The following PAIP1 variants were observed in gnomAD, a reference collection of about 807,000 sequenced individuals.
PAIP1 encodes the protein polyadenylate-binding protein-interacting protein 1.
Under a neutral mutation model 61.3 loss-of-function variants are expected in PAIP1, and 16 were observed. That is an observed-to-expected ratio of 0.26 (90% CI 0.18 to 0.40). The LOEUF is 0.40. Among genes scored for constraint, PAIP1 ranks in the 10% least tolerant of loss-of-function variants. PAIP1 has a pLI of 1.00. For missense variants in PAIP1, 416 were observed against 600.9 expected, an observed-to-expected ratio of 0.69 and a Z score of 3.22; for synonymous variants, 187 against 226.2, an observed-to-expected ratio of 0.83 and a Z score of 1.56.
chr5:43,547,300 T>G (rs1402286558), intron 3 of PAIP1, among the ~76,000 whole-genome samples: 4 of 152,258 alleles, frequency 2.6e-5, no homozygotes, highest in Non-Finnish European at 5.9e-5. Context: ...TTTCCTCCCC[T>G]ACTCTAATAC....
chr5:43,531,935 G>A (rs980406388), intron 9 of PAIP1, among the ~76,000 whole-genome samples: 13 of 151,950 alleles, frequency 8.6e-5, no homozygotes, highest in African/African-American at 3.1e-4. Flanking sequence ...TTAGAATGAT[G>A]AGAAAAAATA....
At chr5:43,533,613 G>A in intron 9 of PAIP1, 125 bp downstream of exon 9, 1 of 734,222 alleles carries the variant, frequency 1.4e-6, no homozygotes, top group Admixed American at 2.0e-5. Flanking sequence ...CCATTACACT[G>A]GTATTTTAGA....
chr5:43,552,725 T>C (rs1747911600), intron 2 of PAIP1, among the ~76,000 whole-genome samples: 1 of 152,144 alleles, frequency 6.6e-6, no homozygotes, highest in South Asian at 2.1e-4. Flanking sequence ...ACAAAACTAG[T>C]ACCTCAAATA....
At chr5:43,548,760 C>A (rs192562324) in intron 2 of PAIP1, among the ~76,000 whole-genome samples, 2 of 152,296 alleles carry the variant, frequency 1.3e-5, no homozygotes, top group East Asian at 3.9e-4. Context: ...AATAACTACA[C>A]TGCTTGTATG....
At chr5:43,541,200 C>A (rs1179283392) in intron 4 of PAIP1, among the ~76,000 whole-genome samples, 4 of 139,704 alleles carry the variant, frequency 2.9e-5, no homozygotes. Context: ...TCTCTGCTCA[C>A]TGCAAGCTCC....
At chr5:43,528,375 A>G (rs1488764125) in intron 10 of PAIP1, among the ~76,000 whole-genome samples, 1 of 152,074 alleles carries the variant, frequency 6.6e-6, no homozygotes, top group Non-Finnish European at 1.5e-5. Context: ...CAATCTTGCC[A>G]ACCCTACCAA....
intron 10 of PAIP1, 116 bp from the exon 11 acceptor site, chr5:43,527,585 C>A: frequency 1.2e-6 from 1 of 805,144 alleles, no homozygotes; most frequent in Non-Finnish European, 1.8e-6. Context: ...TAATAGAACA[C>A]AAGCCTAACT....
At chr5:43,547,958 C>G (rs1747711086) in intron 2 of PAIP1, 45 bp from the exon 3 acceptor site, 1 of 1,253,908 alleles carries the variant, frequency 8.0e-7, no homozygotes, top group African/African-American at 1.5e-5. Context: ...ATGCAACTGG[C>G]TAAAACACAC....
chr5:43,544,777 A>G (rs1010235635), intron 3 of PAIP1, among the ~76,000 whole-genome samples: 1 of 152,216 alleles, frequency 6.6e-6, no homozygotes, highest in East Asian at 1.9e-4. Flanking sequence ...TCCCCAAAGG[A>G]AAAAAGACCC....
At chr5:43,556,426 G>C (rs1006975484) in intron 1 of PAIP1, 156 bp downstream of exon 1, 6 of 1,218,944 alleles carry the variant, frequency 4.9e-6, no homozygotes, top group South Asian at 4.2e-5. Context: ...ACCCGGTTCC[G>C]GGCCCGTCCC....
intron 4 of PAIP1, among the ~76,000 whole-genome samples, chr5:43,540,771 A>G (rs906938564): frequency 6.6e-6 from 1 of 152,354 alleles, no homozygotes; most frequent in South Asian, 2.1e-4. Context: ...GTAACAGTCA[A>G]TGAGAAGAGT....
intron 1 of PAIP1, chr5:43,556,322 T>G: frequency 8.1e-7 from 1 of 1,235,230 alleles, no homozygotes; most frequent in South Asian, 4.0e-5. Flanking sequence ...GGGAGGCGAT[T>G]TTTACTTCCT....
At chr5:43,531,511 G>C (rs1746928576) in intron 9 of PAIP1, among the ~76,000 whole-genome samples, 1 of 148,180 alleles carries the variant, frequency 6.7e-6, no homozygotes, top group Non-Finnish European at 1.5e-5. Flanking sequence ...TACAAAATTA[G>C]CCAGGCGTGG....
intron 5 of PAIP1, among the ~76,000 whole-genome samples, chr5:43,537,895 G>T (rs965203360): frequency 6.7e-6 from 1 of 150,294 alleles, no homozygotes; most frequent in African/African-American, 2.4e-5. Flanking sequence ...TCAGAAGGCT[G>T]AAGCAGGAGA....
chr5:43,555,769 A>C (rs1748033548), intron 2 of PAIP1, 61 bp downstream of exon 2: 1 of 1,405,326 alleles, frequency 7.1e-7, no homozygotes, highest in African/African-American at 1.4e-5. Context: ...TGATTAACAA[A>C]GTAACAACCA....
Position 43,556,775 on chromosome 5 carries a change from G to A in PAIP1, c.72C>T (p.Gly24=), listed in dbSNP as rs1001836299. ...TCGGGAAACCGCCGCCCTCAGGCCCGCCCCCTCCGCGGCCCAGGCCCCGGC... is the reference window on the plus strand; with the variant it reads ...TCGGGAAACCGCCGCCCTCAGGCCCACCCCCTCCGCGGCCCAGGCCCCGGC... ...GRSRGLGRGG[G]GPEGGGFPNG... is the part of the protein sequence containing the mutation. The change falls in exon 1 of 11, where the codon GGC becomes GGT. Residue 24 remains glycine (G), a synonymous_variant. Transcript: ENST00000306846. 1.4e-6 allele frequency: 2 copies of A among 1,436,516 alleles called. No individual in the cohort carries two copies. Among genetic ancestry groups the A allele is most frequent in the Non-Finnish European group, 1.8e-6 (2 of 1,098,468 alleles). The allele number at this position is 1,436,516 out of a possible 1,614,324, so 89.0% of individuals were successfully genotyped here.
chr5:43,556,837 C>G lies in PAIP1; in HGVS notation c.10G>C (p.Gly4Arg), dbSNP rs1430919939. 2 of 1,445,036 alleles carry G rather than the reference C, an allele frequency of 1.4e-6. No homozygotes were observed. Among genetic ancestry groups the G allele is most frequent in the South Asian group, 1.4e-5 (1 of 72,138 alleles). The allele number at this position is 1,445,036 out of a possible 1,614,324, so 89.5% of individuals were successfully genotyped here. The change falls in exon 1 of 11, where the codon GGT becomes CGT. Residue 4 changes from glycine (G) to arginine (R), a missense_variant. Gly to Arg is a moderately radical substitution (Grantham distance 125). This residue lies in a region of PAIP1 where 97 missense variants were observed against 89.5 expected (regional missense o/e 1.08). Coordinates refer to ENST00000306846, the MANE Select transcript of PAIP1 (RefSeq NM_006451.5). MSD[G>R]FDRAPGAGRG... ...CCAGCACCTGGGGCCCGATCGAAAC[C>G]GTCCGACATGCTCCTCCTCCTCCGC...
Position 43,556,754 on chromosome 5 carries a change from G to A in PAIP1, c.93C>T (p.Phe31=), listed in dbSNP as rs1481557763. 1.4e-6 allele frequency: 2 copies of A among 1,415,182 alleles called. No individual in the cohort carries two copies. Among genetic ancestry groups the A allele is most frequent in the South Asian group, 3.0e-5 (2 of 67,558 alleles). 87.7% of individuals were successfully genotyped at this position (1,415,182 alleles called of 1,614,324 possible). A position where few individuals can be genotyped will look rare whatever the true frequency, so the allele number is the denominator to read the frequency against. ...GCTCAGCAGGCCCCGCTCCGTTCGG[G>A]AAACCGCCGCCCTCAGGCCCGCCCC... ...RGGGGPEGGG[F]PNGAGPAERA... is the part of the protein sequence containing the mutation. Residue 31 remains phenylalanine (F), a synonymous_variant, in exon 1 of 11, where the codon TTC becomes TTT. Coordinates refer to ENST00000306846, the MANE Select transcript of PAIP1 (RefSeq NM_006451.5).
In PAIP1 at chr5:43,539,046, A is replaced by G; in HGVS notation, c.735-11T>C. 6.7e-7 allele frequency: 1 copy of G among 1,497,208 alleles called. No homozygotes were observed. Among genetic ancestry groups the G allele is most frequent in the Admixed American group, 1.7e-5 (1 of 59,658 alleles). The allele number at this position is 1,497,208 out of a possible 1,614,324, so 92.7% of individuals were successfully genotyped here. A position where few individuals can be genotyped will look rare whatever the true frequency, so the allele number is the denominator to read the frequency against. On this transcript the variant is annotated splice_polypyrimidine_tract_variant and intron_variant, in intron 4 of 10. Transcript: ENST00000306846. Reference sequence around the variant, plus strand: ...TATTCAGTCCGACATCTAATTAAAGACATATCTTTTATAATCTCACATTGC... The same window carrying G: ...TATTCAGTCCGACATCTAATTAAAGGCATATCTTTTATAATCTCACATTGC...
Sources: gnomAD v4.1 joint callset for allele counts (sites outside exome capture counted in the v4.1 genomes callset) on GRCh38, gnomAD v4.1.1 for gene constraint, gnomAD v4.1.1 regional missense constraint, MANE v1.5 for transcripts, NCBI Gene and HGNC (gene_info 2026-07-23, HGNC 2026-07-21) for gene names.